The following SH3PXD2A variants were observed in gnomAD, a reference collection of about 807,000 sequenced individuals.
The protein encoded by SH3PXD2A is SH3 and PX domain-containing protein 2A.
Under a neutral mutation model 115.2 loss-of-function variants are expected in SH3PXD2A, and 32 were observed. That is an observed-to-expected ratio of 0.28 (90% confidence interval 0.21 to 0.37). The LOEUF is 0.37. SH3PXD2A is among the 10% of genes least tolerant of loss of function. The pLI, the probability that SH3PXD2A is intolerant of heterozygous loss-of-function variation, is 1.00. For missense variants in SH3PXD2A, 1,328 were observed against 1,498.7 expected (o/e 0.89, Z 1.88); for synonymous variants, 610 against 629.1 (o/e 0.97, Z 0.45).
At chr10:103,852,432 C>T (rs991875290) in intron 1 of SH3PXD2A, among the ~76,000 whole-genome samples, 1 of 152,268 alleles carries the variant, frequency 6.6e-6, no homozygotes, top group Non-Finnish European at 1.5e-5. Flanking sequence ...GGCCTCTCAT[C>T]GGCTAGCTCT....
At chr10:103,710,861 C>T (rs955661213) in intron 5 of SH3PXD2A, among the ~76,000 whole-genome samples, 2 of 151,940 alleles carry the variant, frequency 1.3e-5, no homozygotes, top group Non-Finnish European at 2.9e-5. Flanking sequence ...CATAGCAAGA[C>T]CCAATGTCTA....
rs1216757347 is a variant in SH3PXD2A, at chr10:103,738,383, A to G, written c.230-2575T>C. On this transcript the variant is annotated intron_variant, in intron 3 of 14. Coordinates refer to ENST00000369774, the MANE Select transcript of SH3PXD2A (RefSeq NM_001394015.1). ...GAGGCCAGGGGGAGGCTGTGTAAAA[A>G]TAAAAACATGAGGTGACCTGAGCTC... 2.0e-5 allele frequency among the ~76,000 whole-genome samples: 3 copies of G among 152,186 alleles called. No homozygotes were observed. The East Asian group carries it at 5.8e-4, about 29-fold the overall frequency.
intron 1 of SH3PXD2A, among the ~76,000 whole-genome samples, chr10:103,811,614 G>A (rs2039271803): frequency 6.6e-6 from 1 of 152,088 alleles, no homozygotes; most frequent in African/African-American, 2.4e-5. Flanking sequence ...CTTTAATAAC[G>A]ACAGCAGACT....
chr10:103,836,659 C>T (rs2039544126), intron 1 of SH3PXD2A, among the ~76,000 whole-genome samples: 2 of 141,916 alleles, frequency 1.4e-5, no homozygotes, highest in African/African-American at 5.3e-5. Flanking sequence ...CGAGTGCACA[C>T]ACACTCCACA....
intron 8 of SH3PXD2A, among the ~76,000 whole-genome samples, chr10:103,655,047 G>A (rs1239137882): frequency 1.3e-5 from 2 of 152,208 alleles, no homozygotes; most frequent in African/African-American, 4.8e-5. Context: ...GCTCTGTGAA[G>A]TGGGTAACGG....
In SH3PXD2A at chr10:103,855,475, G is replaced by T. The variant is rs1370885739; in HGVS notation, c.-209C>A. On this transcript the variant is annotated 5_prime_UTR_variant, in exon 1 of 15. Coordinates refer to ENST00000369774, the MANE Select transcript of SH3PXD2A (RefSeq NM_001394015.1). ...CGCGCGGGCTCCGTGCGCCCCGGGG[G>T]ACTCCCCGCCGGCCTGCCGCGCGCC... 1 of 169,334 alleles carries T rather than the reference G, an allele frequency of 5.9e-6. No homozygotes were observed. The highest frequency in any genetic ancestry group is 2.0e-4 in the South Asian group (1 of 5,032). The allele number at this position is 169,334 out of a possible 1,614,324, so 10.5% of individuals were successfully genotyped here. A position where few individuals can be genotyped will look rare whatever the true frequency, so the allele number is the denominator to read the frequency against.
rs2036149788 is a variant in SH3PXD2A, at chr10:103,597,242, G to A, written c.*4574C>T. 1 of 152,660 alleles carries A rather than the reference G, an allele frequency of 6.6e-6. No homozygotes were observed. Among genetic ancestry groups the A allele is most frequent in the African/African-American group, 2.4e-5 (1 of 41,462 alleles). The allele number at this position is 152,660 out of a possible 1,614,324, so 9.5% of individuals were successfully genotyped here. ...TTGTGGGAATTGGTGTCTCACCAGG[G>A]TGTGCGCGGCTCAAGGTTCTCACAT... On this transcript the variant is annotated 3_prime_UTR_variant, in exon 15 of 15. Coordinates refer to ENST00000369774, the MANE Select transcript of SH3PXD2A (RefSeq NM_001394015.1).
At chr10:103,740,000 C>G (rs576727786) in intron 3 of SH3PXD2A, among the ~76,000 whole-genome samples, 1 of 152,274 alleles carries the variant, frequency 6.6e-6, no homozygotes, top group East Asian at 1.9e-4. Flanking sequence ...CATCGGAGGC[C>G]TGGGCTCTAT....
At chr10:103,832,856 C>T (rs2039495944) in intron 1 of SH3PXD2A, among the ~76,000 whole-genome samples, 1 of 151,886 alleles carries the variant, frequency 6.6e-6, no homozygotes. Context: ...CAAACCTGCA[C>T]ATTGTGCACA....
intron 8 of SH3PXD2A, among the ~76,000 whole-genome samples, chr10:103,652,354 G>A (rs952172487): frequency 2.0e-5 from 3 of 152,188 alleles, no homozygotes; most frequent in Non-Finnish European, 2.9e-5. Flanking sequence ...CAGGCCATCT[G>A]GGTGAACTGG....
chr10:103,792,994 C>T (rs1038869872), intron 2 of SH3PXD2A, among the ~76,000 whole-genome samples: 2 of 152,074 alleles, frequency 1.3e-5, no homozygotes, highest in African/African-American at 4.8e-5. Flanking sequence ...CTTATGTTTA[C>T]TTTTTTCACC....
chr10:103,613,262 CCAT>C (rs2036456300), intron 11 of SH3PXD2A, 72 bp from the exon 12 acceptor site: 1 of 1,238,854 alleles, frequency 8.1e-7, no homozygotes, highest in Admixed American at 2.3e-5. Flanking sequence ...GCCCTAGGAT[CCAT>C]CTGGCCTTGC....
intron 8 of SH3PXD2A, among the ~76,000 whole-genome samples, chr10:103,643,209 G>A (rs1323830619): frequency 1.3e-5 from 2 of 152,182 alleles, no homozygotes; most frequent in Non-Finnish European, 2.9e-5. Flanking sequence ...TCCTTTCCCA[G>A]TTGGAATTTG....
In SH3PXD2A at chr10:103,627,370, C is replaced by T. The variant is rs140242622; in HGVS notation, c.605-168G>A. Among the ~76,000 whole-genome samples the T allele has an allele frequency of 7.9e-4, 120 of 152,346 alleles. No homozygotes were observed. Among genetic ancestry groups the T allele is most frequent in the African/African-American group, 2.5e-3 (106 of 41,570 alleles). ...CCCAGCTCCAGCCTCGAGGAGCCTGCGTCTGTTCTAAGGCAGAAACGACCA... is the reference window on the plus strand; with the variant it reads ...CCCAGCTCCAGCCTCGAGGAGCCTGTGTCTGTTCTAAGGCAGAAACGACCA... On this transcript the variant is annotated intron_variant, in intron 8 of 14. Transcript: ENST00000369774. This position sits in a 1 kb window ranked among gnomAD's most constrained non-coding sequence, Gnocchi z 4.4.
intron 2 of SH3PXD2A, among the ~76,000 whole-genome samples, chr10:103,779,735 C>G (rs1362210970): frequency 6.6e-6 from 1 of 152,114 alleles, no homozygotes; most frequent in Non-Finnish European, 1.5e-5. Context: ...GGTGACACTC[C>G]GCAGAGAAGG....
At chr10:103,657,256 TC>T (rs1159032824) in intron 8 of SH3PXD2A, among the ~76,000 whole-genome samples, 2 of 139,712 alleles carry the variant, frequency 1.4e-5, no homozygotes, top group Admixed American at 1.5e-4. Context: ...CCCCACTTCT[TC>T]CCCTGGCCTG....
chr10:103,700,960 CCAT>C (rs2037886262), intron 5 of SH3PXD2A, among the ~76,000 whole-genome samples: 1 of 149,968 alleles, frequency 6.7e-6, no homozygotes. Context: ...ATCCATCCAT[CCAT>C]CCATCCACCA....
intron 8 of SH3PXD2A, among the ~76,000 whole-genome samples, chr10:103,648,219 A>G (rs1433983802): frequency 6.6e-6 from 1 of 152,164 alleles, no homozygotes; most frequent in East Asian, 1.9e-4. Context: ...GGGTAGTAAA[A>G]GGGTCAGGCA....
At chr10:103,809,936 G>A (rs1358795090) in intron 1 of SH3PXD2A, among the ~76,000 whole-genome samples, 1 of 151,626 alleles carries the variant, frequency 6.6e-6, no homozygotes, top group East Asian at 1.9e-4. Context: ...TGATCCACCC[G>A]CCTCAGCCTC....
Sources: gnomAD v4.1 joint callset for allele counts (sites outside exome capture counted in the v4.1 genomes callset) on GRCh38, gnomAD v4.1.1 for gene constraint, Gnocchi (gnomAD v3.1) non-coding constraint, MANE v1.5 for transcripts, NCBI Gene and HGNC (gene_info 2026-07-23, HGNC 2026-07-21) for gene names.